PLGRKT: variants seen among roughly 807,000 people sequenced by gnomAD.
The protein encoded by PLGRKT is plasminogen receptor (KT).
Under a neutral mutation model 18.5 loss-of-function variants are expected in PLGRKT, and 22 were observed. The observed-to-expected ratio is 1.19, with a 90% CI of 0.85 to 1.70. The LOEUF is 1.70. Ranked by LOEUF, PLGRKT falls within the 40% of genes most tolerant of loss-of-function variation. PLGRKT has a pLI of 0.00. For synonymous variants in PLGRKT, 72 were observed against 52.8 expected, an observed-to-expected ratio of 1.36 and a Z score of -1.58; for missense variants, 235 against 174.4, an observed-to-expected ratio of 1.35 and a Z score of -1.96.
At chr9:5,367,006 AACAG>A (rs1392877627) in intron 3 of PLGRKT, among the ~76,000 whole-genome samples, 31 of 143,942 alleles carry the variant, frequency 2.2e-4, no homozygotes, top group Admixed American at 5.2e-4. Context: ...TCCCATTTAC[AACAG>A]ACAGACAGAT....
intron 3 of PLGRKT, among the ~76,000 whole-genome samples, chr9:5,430,144 T>TTTGCTGTGC (rs899787992): frequency 1.4e-4 from 22 of 152,210 alleles, no homozygotes; most frequent in Non-Finnish European, 1.5e-5. Flanking sequence ...GCTCATGCTG[T>TTTGCTGTGC]TTGCTGTGCT....
chr9:5,361,869 A>G lies in PLGRKT; in HGVS notation c.101T>C (p.Met34Thr), dbSNP rs1237674350. The change falls in exon 4 of 6, where the codon ATG (methionine) becomes ACG (threonine). Residue 34 changes from methionine (M) to threonine (T), a missense_variant. Met to Thr is a moderately conservative substitution (Grantham distance 81, BLOSUM62 -1). Transcript: ENST00000223864. Reference protein sequence around the residue: ...ARLQLERQLIMQSEMRERQMA... With the variant: ...ARLQLERQLITQSEMRERQMA... ...TTGTCTTTCCCTCATTTCACTCTGC[A>G]TGATGAGCTGCCTTTCCAGCTAAGG... 1.2e-6 allele frequency: 2 copies of G among 1,612,904 alleles called. No homozygotes were observed. The highest frequency in any genetic ancestry group is 2.7e-5 in the African/African-American group (2 of 74,890).
chr9:5,361,745 A>G lies in PLGRKT; in HGVS notation c.212+13T>C, dbSNP rs1285270533. ...AGTAAATGACTGAAGAAAATGTTAAATAGCAAACATACCCAGCTGTTAAAG... is the reference window on the plus strand; with the variant it reads ...AGTAAATGACTGAAGAAAATGTTAAGTAGCAAACATACCCAGCTGTTAAAG... On this transcript the variant is annotated intron_variant, in intron 4 of 5. Coordinates refer to ENST00000223864, the MANE Select transcript of PLGRKT (RefSeq NM_018465.4). The G allele has an allele frequency of 1.9e-6, 3 of 1,590,568 alleles. No homozygotes were observed. Among genetic ancestry groups the G allele is most frequent in the Non-Finnish European group, 1.7e-6 (2 of 1,173,564 alleles).
At chr9:5,412,611 C>A (rs1041165608) in intron 3 of PLGRKT, among the ~76,000 whole-genome samples, 1 of 152,146 alleles carries the variant, frequency 6.6e-6, no homozygotes, top group Non-Finnish European at 1.5e-5. Flanking sequence ...AAATCAATCT[C>A]TATTCTTTAT....
At chr9:5,426,999 T>C (rs193075103) in intron 3 of PLGRKT, among the ~76,000 whole-genome samples, 1 of 152,336 alleles carries the variant, frequency 6.6e-6, no homozygotes, top group East Asian at 1.9e-4. Context: ...AACAGGCTAA[T>C]TTATTACAGC....
At chr9:5,368,433 CAT>C (rs2131069958) in intron 3 of PLGRKT, among the ~76,000 whole-genome samples, 1 of 152,156 alleles carries the variant, frequency 6.6e-6, no homozygotes, top group Admixed American at 6.5e-5. Flanking sequence ...CCTTTGCAGC[CAT>C]ATGGATGCAG....
chr9:5,359,467 T>C (rs1817214397), intron 5 of PLGRKT, among the ~76,000 whole-genome samples: 2 of 152,186 alleles, frequency 1.3e-5, no homozygotes. Context: ...CTGTCTCAAA[T>C]AGCAAGTAAA....
intron 3 of PLGRKT, among the ~76,000 whole-genome samples, chr9:5,421,179 C>CA (rs1315378474): frequency 6.6e-6 from 1 of 152,198 alleles, no homozygotes; most frequent in Non-Finnish European, 1.5e-5. Context: ...CTGGCCATAC[C>CA]AGCCTCTTTG....
intron 3 of PLGRKT, among the ~76,000 whole-genome samples, chr9:5,378,432 A>G (rs886153477): frequency 6.6e-6 from 1 of 152,210 alleles, no homozygotes; most frequent in Non-Finnish European, 1.5e-5. Flanking sequence ...CACAATATGA[A>G]TGAATCTCAT....
chr9:5,381,525 T>C (rs977428789), intron 3 of PLGRKT, among the ~76,000 whole-genome samples: 3 of 152,256 alleles, frequency 2.0e-5, no homozygotes, highest in African/African-American at 7.2e-5. Context: ...TCAGAGGATG[T>C]ACAGACATGC....
intron 3 of PLGRKT, among the ~76,000 whole-genome samples, chr9:5,390,422 G>A (rs1256848998): frequency 6.6e-6 from 1 of 151,704 alleles, no homozygotes; most frequent in Admixed American, 6.6e-5. Flanking sequence ...GTCTCAGGCA[G>A]AGAGAGTCAA....
rs1817836143 is a variant in PLGRKT at position 5,386,006 on chromosome 9, T to C, written c.82-24118A>G. Among the ~76,000 whole-genome samples, 3 of 151,950 alleles carry C rather than the reference T, an allele frequency of 2.0e-5. No individual in the cohort carries two copies. The South Asian group carries it at 6.2e-4, about 31-fold the overall frequency. On this transcript the variant is annotated intron_variant, in intron 3 of 5. Coordinates refer to ENST00000223864, the MANE Select transcript of PLGRKT (RefSeq NM_018465.4). ...TTATGTCAGACTTCATCTCATGTAATGCAATCCACTGCCATATCTAGTATC... is the reference window on the plus strand; with the variant it reads ...TTATGTCAGACTTCATCTCATGTAACGCAATCCACTGCCATATCTAGTATC...
intron 3 of PLGRKT, among the ~76,000 whole-genome samples, chr9:5,417,045 T>C (rs1818475452): frequency 6.6e-6 from 1 of 152,246 alleles, no homozygotes; most frequent in African/African-American, 2.4e-5. Context: ...TAATAGTATT[T>C]GCATTTAGAT....
At chr9:5,420,904 G>T (rs1818563600) in intron 3 of PLGRKT, among the ~76,000 whole-genome samples, 1 of 152,134 alleles carries the variant, frequency 6.6e-6, no homozygotes, top group Non-Finnish European at 1.5e-5. Context: ...ACAGATACTG[G>T]GAGTTATAAG....
chr9:5,401,542 T>G (rs1168998398), intron 3 of PLGRKT, among the ~76,000 whole-genome samples: 1 of 151,886 alleles, frequency 6.6e-6, no homozygotes, highest in Non-Finnish European at 1.5e-5. Context: ...CCAAATAAGC[T>G]TCACAGATGA....
In PLGRKT at chr9:5,390,119, C is replaced by T. The variant is rs367635548; in HGVS notation, c.82-28231G>A. On this transcript the variant is annotated intron_variant, in intron 3 of 5. Transcript: ENST00000223864. ...CTAAAATCCAGATACCAACCCTCGT[C>T]TGCTTCAGGATGGGAGGGTATTTTT... 3.3e-5 allele frequency among the ~76,000 whole-genome samples: 5 copies of T among 151,842 alleles called. No individual in the cohort carries two copies. The East Asian group carries it at 9.7e-4, about 29-fold the overall frequency.
intron 3 of PLGRKT, among the ~76,000 whole-genome samples, chr9:5,412,003 C>G (rs938788122): frequency 6.6e-6 from 1 of 152,016 alleles, no homozygotes; most frequent in African/African-American, 2.4e-5. Flanking sequence ...TCCAAGAAAA[C>G]ATTGAAAAAG....
intron 3 of PLGRKT, among the ~76,000 whole-genome samples, chr9:5,404,639 G>C (rs1168423885): frequency 1.3e-5 from 2 of 152,044 alleles, no homozygotes; most frequent in Non-Finnish European, 1.5e-5. Context: ...AAAATAATAA[G>C]AGCCATTTAT....
Position 5,436,291 on chromosome 9 carries a change from G to C in PLGRKT, c.-7+278C>G, listed in dbSNP as rs1818958240. ...CCCTAAATATTTGCACAAAGCATGA[G>C]AGATACAAGAAAAACTGTGGCTCAG... On this transcript the variant is annotated intron_variant, in intron 2 of 5. Coordinates refer to ENST00000223864, the MANE Select transcript of PLGRKT (RefSeq NM_018465.4). Among the ~76,000 whole-genome samples the C allele has an allele frequency of 2.0e-5, 3 of 152,242 alleles. No individual in the cohort carries two copies. The South Asian group carries it at 6.2e-4, about 31-fold the overall frequency.
Sources: allele counts gnomAD v4.1 joint callset (sites outside exome capture counted in the v4.1 genomes callset), GRCh38; gene constraint gnomAD v4.1.1; transcripts MANE v1.5; gene names NCBI Gene and HGNC (gene_info 2026-07-23, HGNC 2026-07-21).